Variants in LY6S observed in about 807,000 individuals in gnomAD.
LY6S encodes lymphocyte antigen 6S.
the LY6S span, among the ~76,000 whole-genome samples, chr8:143,067,317 CAT>C: frequency 1.3e-5 from 2 of 152,246 alleles, no homozygotes; most frequent in Non-Finnish European, 2.9e-5. Context: ...CTCACAGAAA[CAT>C]GTGCTGTATT....
chr8:143,053,983 T>G, the LY6S span: 3,117 of 152,218 alleles, frequency 0.02, 52 homozygotes, highest in Non-Finnish European at 0.032. Context: ...CAATATATCC[T>G]CTGGGGACCA....
At chr8:143,046,461 C>T in the LY6S span, among the ~76,000 whole-genome samples, 36 of 151,902 alleles carry the variant, frequency 2.4e-4, no homozygotes, top group Admixed American at 2.0e-3. Context: ...GCCTGTAGTC[C>T]CAGCTACTTG....
At chr8:143,051,516 G>A in the LY6S span, among the ~76,000 whole-genome samples, 1 of 151,902 alleles carries the variant, frequency 6.6e-6, no homozygotes, top group African/African-American at 2.4e-5. Context: ...ACTCCAGCCT[G>A]GGTGACAGAG....
At chr8:143,047,288 T>C in the LY6S span, among the ~76,000 whole-genome samples, 3 of 151,512 alleles carry the variant, frequency 2.0e-5, no homozygotes, top group Non-Finnish European at 4.4e-5. Flanking sequence ...TACAGGCGCC[T>C]GCCACCACGC....
At chr8:143,054,988 A>G in the LY6S span, among the ~76,000 whole-genome samples, 5 of 152,214 alleles carry the variant, frequency 3.3e-5, no homozygotes, top group African/African-American at 1.2e-4. Flanking sequence ...GAACGTATCT[A>G]TATCTAAAAG....
the LY6S span, chr8:143,044,039 GA>G: frequency 2.3e-6 from 1 of 431,044 alleles, no homozygotes; most frequent in East Asian, 7.2e-5. Context: ...GCAGCTCCGA[GA>G]GCTGAGGGTG....
At chr8:143,046,021 T>G in the LY6S span, among the ~76,000 whole-genome samples, 1 of 152,078 alleles carries the variant, frequency 6.6e-6, no homozygotes, top group Non-Finnish European at 1.5e-5. Context: ...ACCCAGTTAA[T>G]TTTTGTATAT....
chr8:143,052,260 G>A, the LY6S span, among the ~76,000 whole-genome samples: 2 of 152,056 alleles, frequency 1.3e-5, no homozygotes, highest in African/African-American at 4.8e-5. Flanking sequence ...CAGCCTGGGG[G>A]ACACAGCGAG....
the LY6S span, among the ~76,000 whole-genome samples, chr8:143,050,051 G>A: frequency 1.3e-5 from 2 of 152,186 alleles, no homozygotes; most frequent in African/African-American, 2.4e-5. Flanking sequence ...GTCCGGTTGT[G>A]GGAGAAACGT....
the LY6S span, chr8:143,065,783 T>TTCTCTTTCCTTCTTTC: frequency 8.7e-6 from 1 of 115,224 alleles, no homozygotes; most frequent in Non-Finnish European, 1.7e-5. Context: ...CTTTCTTTCT[T>TTCTCTTTCCTTCTTTC]TTTCTTTCTT....
the LY6S span, chr8:143,056,952 T>C: frequency 1.0e-5 from 2 of 195,214 alleles, no homozygotes; most frequent in African/African-American, 4.8e-5. Context: ...AAAAGTAATA[T>C]AGTTTTCAAA....
the LY6S span, among the ~76,000 whole-genome samples, chr8:143,048,461 CA>C: frequency 7.4e-6 from 1 of 136,028 alleles, no homozygotes; most frequent in Non-Finnish European, 1.5e-5. Flanking sequence ...TTCTGTTTTA[CA>C]AAATTTTCTT....
chr8:143,063,119 A>G, the LY6S span, among the ~76,000 whole-genome samples: 8 of 152,204 alleles, frequency 5.3e-5, no homozygotes, highest in Non-Finnish European at 1.0e-4. Flanking sequence ...CAAAACATGA[A>G]GGATTTGTCC....
At chr8:143,058,119 G>A in the LY6S span, among the ~76,000 whole-genome samples, 1 of 152,192 alleles carries the variant, frequency 6.6e-6, no homozygotes, top group African/African-American at 2.4e-5. Flanking sequence ...GGGTTCTGAG[G>A]ATGCACAAAC....
At chr8:143,060,040 G>T in the LY6S span, 1 of 153,160 alleles carries the variant, frequency 6.5e-6, no homozygotes, top group South Asian at 2.1e-4. Context: ...AATAATCTTT[G>T]TTCTACAATT....
the LY6S span, among the ~76,000 whole-genome samples, chr8:143,063,208 C>G: frequency 6.6e-6 from 1 of 152,174 alleles, no homozygotes. Flanking sequence ...CAAAGGGTCT[C>G]CCATATATAA....
chr8:143,061,383 C>T, the LY6S span, among the ~76,000 whole-genome samples: 4 of 152,238 alleles, frequency 2.6e-5, no homozygotes, highest in South Asian at 2.1e-4. Flanking sequence ...CAACACAACA[C>T]GACAATATTT....
chr8:143,062,437 G>A, the LY6S span, among the ~76,000 whole-genome samples: 1 of 152,202 alleles, frequency 6.6e-6, no homozygotes, highest in Non-Finnish European at 1.5e-5. Flanking sequence ...GGAGGCCAAG[G>A]CGGGTGGATC....
At chr8:143,064,762 T>C in the LY6S span, among the ~76,000 whole-genome samples, 36 of 152,334 alleles carry the variant, frequency 2.4e-4, no homozygotes, top group Middle Eastern at 6.8e-3. Context: ...TTAGCTACAG[T>C]GGAATGTATG....
Sources: allele counts gnomAD v4.1 joint callset (sites outside exome capture counted in the v4.1 genomes callset), GRCh38; gene constraint gnomAD v4.1.1; transcripts MANE v1.5; gene names NCBI Gene and HGNC (gene_info 2026-07-23, HGNC 2026-07-21).